The following COL25A1 variants were observed in gnomAD, a reference collection of about 807,000 sequenced individuals.
COL25A1 encodes collagen type XXV alpha 1 chain, also known as collagen alpha-1(XXV) chain.
In COL25A1, 103 loss-of-function variants were observed where a neutral mutation model predicts 128.4. The observed-to-expected ratio is 0.80, with a 90% CI of 0.68 to 0.94. COL25A1 has a LOEUF of 0.94. COL25A1 is among the 40% of genes least tolerant of loss of function. The probability of loss-of-function intolerance (pLI) is 0.00; values close to 1 mark genes in which losing one functional copy is unlikely to be tolerated. For synonymous variants in COL25A1, 279 were observed against 277.2 expected (o/e 1.01, Z -0.06); for missense variants, 745 against 840.0 (o/e 0.89, Z 1.40).
At chr4:108,838,828 G>A (rs1310237959) in intron 31 of COL25A1, among the ~76,000 whole-genome samples, 1 of 152,108 alleles carries the variant, frequency 6.6e-6, no homozygotes, top group Non-Finnish European at 1.5e-5. Context: ...AAGAAAGTAT[G>A]AATTTAACTC....
chr4:108,878,692 T>C (rs1362714593), intron 19 of COL25A1, among the ~76,000 whole-genome samples: 4 of 152,180 alleles, frequency 2.6e-5, no homozygotes, highest in Non-Finnish European at 4.4e-5. Flanking sequence ...AAATGAACTA[T>C]AATAGCAGGT....
chr4:109,091,318 GTCTC>G (rs1313404610), intron 3 of COL25A1, among the ~76,000 whole-genome samples: 2 of 151,924 alleles, frequency 1.3e-5, no homozygotes, highest in Non-Finnish European at 1.5e-5. Context: ...TCCCCTTTTT[GTCTC>G]TCTAAGTCCC....
At chr4:108,950,954 T>C (rs1337720845) in intron 8 of COL25A1, among the ~76,000 whole-genome samples, 1 of 152,176 alleles carries the variant, frequency 6.6e-6, no homozygotes, top group Non-Finnish European at 1.5e-5. Flanking sequence ...GGAGTAAGAC[T>C]CCCATAAAGG....
At chr4:108,821,237 A>G (rs970399470) in intron 35 of COL25A1, among the ~76,000 whole-genome samples, 2 of 152,238 alleles carry the variant, frequency 1.3e-5, no homozygotes, top group African/African-American at 4.8e-5. Flanking sequence ...CTCAGAATCA[A>G]AAACACTTGG....
chr4:108,956,559 C>T (rs7676081), intron 8 of COL25A1, among the ~76,000 whole-genome samples: 6,622 of 152,192 alleles, frequency 0.044, 371 homozygotes, highest in African/African-American at 0.13. Context: ...GTGCGTGCCA[C>T]GGCACCCAGC....
At chr4:109,161,069 C>T (rs1330573821) in intron 3 of COL25A1, among the ~76,000 whole-genome samples, 1 of 152,064 alleles carries the variant, frequency 6.6e-6, no homozygotes, top group Non-Finnish European at 1.5e-5. Flanking sequence ...AACTCCTGGC[C>T]TCAAGCGATC....
At chr4:108,990,212 CAAAAAAAAAAA>C (rs1171265414) in intron 6 of COL25A1, among the ~76,000 whole-genome samples, 6 of 39,760 alleles carry the variant, frequency 1.5e-4, no homozygotes, top group Admixed American at 9.8e-4. Context: ...AACTCCATCT[CAAAAAAAAAAA>C]AAAAAAAAAA....
At chr4:108,843,170 A>G (rs1331803012) in intron 30 of COL25A1, among the ~76,000 whole-genome samples, 3 of 139,350 alleles carry the variant, frequency 2.2e-5, no homozygotes, top group Non-Finnish European at 4.7e-5. Context: ...AAAAAAAAAA[A>G]GAGGAAGAAG....
intron 8 of COL25A1, among the ~76,000 whole-genome samples, chr4:108,957,297 G>A (rs1482003332): frequency 1.3e-5 from 2 of 152,130 alleles, no homozygotes; most frequent in African/African-American, 4.8e-5. Context: ...GATGGGACGT[G>A]AGAGGTATTT....
At chr4:109,166,600 T>C (rs368029310) in intron 3 of COL25A1, among the ~76,000 whole-genome samples, 8 of 152,196 alleles carry the variant, frequency 5.3e-5, no homozygotes, top group African/African-American at 1.4e-4. Flanking sequence ...AACATCAAAA[T>C]AGTTGTGAAA....
chr4:109,195,688 T>C (rs560741262), intron 3 of COL25A1, among the ~76,000 whole-genome samples: 11 of 152,298 alleles, frequency 7.2e-5, no homozygotes, highest in African/African-American at 2.6e-4. Context: ...GACTGTCATA[T>C]TGAACAGATC....
chr4:109,182,925 T>C (rs1166722497), intron 3 of COL25A1, among the ~76,000 whole-genome samples: 1 of 152,044 alleles, frequency 6.6e-6, no homozygotes, highest in African/African-American at 2.4e-5. Flanking sequence ...CTGAGAACAA[T>C]AGAGGTCATA....
chr4:109,119,613 A>C (rs1175635248), intron 3 of COL25A1, among the ~76,000 whole-genome samples: 1 of 152,086 alleles, frequency 6.6e-6, no homozygotes, highest in Non-Finnish European at 1.5e-5. Context: ...ACTTACACAG[A>C]TCTGAGTACG....
intron 5 of COL25A1, among the ~76,000 whole-genome samples, chr4:109,019,373 C>T (rs929728375): frequency 0.031 from 979 of 31,404 alleles, 19 homozygotes; most frequent in Non-Finnish European, 0.036. Flanking sequence ...CACACACACA[C>T]ACATATATAT....
At chr4:109,156,841 T>C (rs1230512992) in intron 3 of COL25A1, among the ~76,000 whole-genome samples, 2 of 152,232 alleles carry the variant, frequency 1.3e-5, no homozygotes, top group African/African-American at 4.8e-5. Flanking sequence ...GCAAATGTAC[T>C]TTTCTCTGTG....
chr4:109,031,909 G>A (rs76756918), intron 5 of COL25A1, among the ~76,000 whole-genome samples: 8,502 of 152,162 alleles, frequency 0.056, 259 homozygotes, highest in East Asian at 0.092. Context: ...TATAGCAGAT[G>A]GGAAGTTTAT....
chr4:109,296,432 A>AT (rs1451620074), intron 3 of COL25A1, among the ~76,000 whole-genome samples: 4 of 152,038 alleles, frequency 2.6e-5, no homozygotes, highest in Non-Finnish European at 4.4e-5. Flanking sequence ...CATTCACATC[A>AT]TTTTTAAAGA....
intron 3 of COL25A1, among the ~76,000 whole-genome samples, chr4:109,214,885 A>G (rs1777866219): frequency 1.3e-5 from 2 of 152,152 alleles, no homozygotes; most frequent in African/African-American, 4.8e-5. Flanking sequence ...AGAGCTTGAC[A>G]GGTTTCATTC....
At chr4:108,862,405 A>T (rs1737347942) in intron 22 of COL25A1, 96 bp downstream of exon 22, 1 of 906,568 alleles carries the variant, frequency 1.1e-6, no homozygotes, top group Non-Finnish European at 1.8e-6. Context: ...GAAAGAGTTT[A>T]ATCTAAAACA....
Sources: gnomAD v4.1 joint callset for allele counts (sites outside exome capture counted in the v4.1 genomes callset) on GRCh38, gnomAD v4.1.1 for gene constraint, MANE v1.5 for transcripts, NCBI Gene and HGNC (gene_info 2026-07-23, HGNC 2026-07-21) for gene names.